The following PCDHGB3 variants were observed in gnomAD, a reference collection of about 807,000 sequenced individuals.
PCDHGB3 encodes the protein protocadherin gamma subfamily B, 3.
A neutral mutation model predicts 59.2 loss-of-function variants in PCDHGB3; 40 were observed. The observed-to-expected ratio is 0.68, with a 90% confidence interval of 0.52 to 0.88. The LOEUF is 0.88. Ranked by LOEUF, PCDHGB3 falls within the 40% of genes least tolerant of loss-of-function variation. The pLI is 0.00. For synonymous variants in PCDHGB3, 581 were observed against 503.6 expected (o/e 1.15, Z -2.06); for missense variants, 1,309 against 1,187.9 (o/e 1.10, Z -1.50).
In PCDHGB3 at chr5:141,489,750, C is replaced by T. The variant is rs753217170; in HGVS notation, c.2416-5057C>T. On this transcript the variant is annotated intron_variant, in intron 1 of 3. Coordinates refer to ENST00000576222, the MANE Select transcript of PCDHGB3 (RefSeq NM_018924.5). The surrounding 1 kb of genome is among the most constrained non-coding windows in gnomAD (Gnocchi z 4.5). ...TGGGCACCAATACTGTGAGCTTTTA[C>T]ACTCTAAGCCCCAACAGCCACTTCT... 1.2e-6 allele frequency: 2 copies of T among 1,614,098 alleles called. No homozygotes were observed. Among genetic ancestry groups the T allele is most frequent in the Admixed American group, 3.3e-5 (2 of 60,022 alleles).
At chr5:141,475,090 A>G (rs991061660) in intron 1 of PCDHGB3, among the ~76,000 whole-genome samples, 1 of 152,264 alleles carries the variant, frequency 6.6e-6, no homozygotes, top group African/African-American at 2.4e-5. Flanking sequence ...CAATAATTTT[A>G]TAAAGATCCT....
In PCDHGB3 at chr5:141,370,662, A is replaced by G. The variant is rs1325799428; in HGVS notation, c.268A>G (p.Ile90Val). 1 of 1,613,896 alleles carries G rather than the reference A, an allele frequency of 6.2e-7. No homozygotes were observed. The highest frequency in any genetic ancestry group is 1.1e-5 in the South Asian group (1 of 91,080). Residue 90 changes from isoleucine (I) to valine (V), a missense_variant, in exon 1 of 4, where the codon ATA (isoleucine) becomes GTA (valine). Ile to Val is a conservative substitution (Grantham distance 29, BLOSUM62 3). Transcript: ENST00000576222. ...TGGGAACTTACTTGTGAGCGACCGTATAGACCGAGAGGAGATTTGTGGCAA... is the reference window on the plus strand; with the variant it reads ...TGGGAACTTACTTGTGAGCGACCGTGTAGACCGAGAGGAGATTTGTGGCAA... ...ENGNLLVSDR[I>V]DREEICGKKS...
chr5:141,371,340 A>G lies in PCDHGB3; in HGVS notation c.946A>G (p.Thr316Ala). Residue 316 changes from threonine to alanine, a missense_variant, in exon 1 of 4, where the codon ACA becomes GCA. By Grantham distance (58) the Thr-to-Ala change is moderately conservative. Transcript: ENST00000576222. ...ELDFEERDSYTIGVEAKDGGH... is the reference protein window; with the variant it reads ...ELDFEERDSYAIGVEAKDGGH... ...GGACTTTGAAGAGAGAGATAGCTAC[A>G]CAATTGGGGTGGAAGCAAAGGATGG... 1.2e-6 allele frequency: 2 copies of G among 1,613,980 alleles called. No individual in the cohort carries two copies. The highest frequency in any genetic ancestry group is 1.7e-6 in the Non-Finnish European group (2 of 1,179,874).
At chr5:141,410,666 T>C (rs376209053) in intron 1 of PCDHGB3, 1 of 1,566,008 alleles carries the variant, frequency 6.4e-7, no homozygotes, top group Non-Finnish European at 8.6e-7. Flanking sequence ...AGTCTACTAG[T>C]TTCTCATATT....
chr5:141,409,345 A>T lies in PCDHGB3; in HGVS notation c.2415+36536A>T, dbSNP rs1012428329. 4 of 1,613,902 alleles carry T rather than the reference A, an allele frequency of 2.5e-6. No individual in the cohort carries two copies. In the African/African-American group the frequency reaches 5.3e-5, roughly 22 times the overall value. ...ATCTGGATTTCGGAGGAAATGGAGAAGTCAGGTGTAATATAGAAACAGACA... is the reference window on the plus strand; with the variant it reads ...ATCTGGATTTCGGAGGAAATGGAGATGTCAGGTGTAATATAGAAACAGACA... On this transcript the variant is annotated intron_variant, in intron 1 of 3. Transcript: ENST00000576222.
chr5:141,372,628 A>G lies in PCDHGB3; in HGVS notation c.2234A>G (p.Glu745Gly), dbSNP rs1561557041. Residue 745 changes from glutamate to glycine, a missense_variant, in exon 1 of 4, where the codon GAA (glutamate) becomes GGA (glycine). Transcript: ENST00000576222. ...CCTGGAGTTCTCCCCACCTACAGCG[A>G]AAGGACTTTGCCTTATTCCTACAAT... ...TVPGVLPTYS[E>G]RTLPYSYNPC... 3.1e-6 allele frequency: 5 copies of G among 1,614,014 alleles called. No individual in the cohort carries two copies. The highest frequency in any genetic ancestry group is 4.2e-6 in the Non-Finnish European group (5 of 1,179,884).
chr5:141,429,765 T>C (rs897963458), intron 1 of PCDHGB3, among the ~76,000 whole-genome samples: 1 of 152,230 alleles, frequency 6.6e-6, no homozygotes, highest in East Asian at 1.9e-4. Flanking sequence ...TTTCCCTATA[T>C]TTTGATGGGC....
intron 3 of PCDHGB3, chr5:141,507,285 C>T (rs80317708): frequency 2.7e-5 from 4 of 150,212 alleles, no homozygotes; most frequent in African/African-American, 7.4e-5. Flanking sequence ...ATAAGTCAGT[C>T]TCAAATGTTG....
At chr5:141,379,328 C>T (rs1775531814) in intron 1 of PCDHGB3, 1 of 152,184 alleles carries the variant, frequency 6.6e-6, no homozygotes, top group African/African-American at 2.4e-5. Flanking sequence ...TAATCATACA[C>T]ATCTTCAAAG....
intron 1 of PCDHGB3, among the ~76,000 whole-genome samples, chr5:141,460,934 G>GTA (rs2099001529): frequency 2.7e-5 from 4 of 149,622 alleles, no homozygotes; most frequent in African/African-American, 9.9e-5. Context: ...ATGTGTGTGT[G>GTA]TATATATATG....
chr5:141,402,422 T>C (rs1385083470), intron 1 of PCDHGB3, among the ~76,000 whole-genome samples: 2 of 151,998 alleles, frequency 1.3e-5, no homozygotes, highest in African/African-American at 2.4e-5. Context: ...CAGAAAAAAT[T>C]GAAGCATCAT....
chr5:141,457,149 G>A (rs1016628234), intron 1 of PCDHGB3, among the ~76,000 whole-genome samples: 6 of 152,180 alleles, frequency 3.9e-5, no homozygotes, highest in African/African-American at 1.4e-4. Flanking sequence ...TCAGTTAGAA[G>A]GTGCTACCAT....
At chr5:141,389,236 C>G (rs1360916753) in intron 1 of PCDHGB3, 1 of 1,614,054 alleles carries the variant, frequency 6.2e-7, no homozygotes, top group Non-Finnish European at 8.5e-7. Context: ...CCGGTTTTCT[C>G]ACAGTCTTCC....
In PCDHGB3 at chr5:141,372,539, G is replaced by A; in HGVS notation, c.2145G>A (p.Leu715=). ...TGATTCTGGCAATCTCCCTGCGCCT[G>A]CGATGCTCCTCCAGACCCGCCACTG... The part of the protein sequence containing the change: ...LAVILAISLR[L]RCSSRPATEG... Residue 715 remains leucine (L), a synonymous_variant, in exon 1 of 4, where the codon CTG becomes CTA. Coordinates refer to ENST00000576222, the MANE Select transcript of PCDHGB3 (RefSeq NM_018924.5). 6.2e-7 allele frequency: 1 copy of A among 1,614,050 alleles called. No homozygotes were observed. Among genetic ancestry groups the A allele is most frequent in the Non-Finnish European group, 8.5e-7 (1 of 1,179,896 alleles).
chr5:141,403,663 T>C (rs2094439679), intron 1 of PCDHGB3: 3 of 1,613,900 alleles, frequency 1.9e-6, no homozygotes, highest in African/African-American at 1.3e-5. Flanking sequence ...ATACAAATGA[T>C]AATGCCCCGG....
intron 1 of PCDHGB3, among the ~76,000 whole-genome samples, chr5:141,420,727 G>C (rs1454487477): frequency 2.0e-5 from 3 of 152,180 alleles, no homozygotes; most frequent in African/African-American, 7.2e-5. Flanking sequence ...CTTTCAGTCG[G>C]TTAAAATCAA....
rs1767388382 is a variant in PCDHGB3 at position 141,370,996 on chromosome 5, A to G, written c.602A>G (p.Asp201Gly). The G allele has an allele frequency of 1.2e-6, 2 of 1,613,886 alleles. No individual in the cohort carries two copies. Among genetic ancestry groups the G allele is most frequent in the African/African-American group, 2.7e-5 (2 of 74,952 alleles). ...YPELVLKAPL[D>G]REEQPHHHLV... ...GAGCTAGTACTGAAAGCACCCCTGGACAGGGAAGAGCAGCCACATCACCAC... is the reference window on the plus strand; with the variant it reads ...GAGCTAGTACTGAAAGCACCCCTGGGCAGGGAAGAGCAGCCACATCACCAC... Residue 201 changes from aspartate to glycine, a missense_variant, in exon 1 of 4, where the codon GAC becomes GGC. Transcript: ENST00000576222.
intron 2 of PCDHGB3, among the ~76,000 whole-genome samples, chr5:141,495,452 C>G (rs543717781): frequency 1.3e-5 from 2 of 152,356 alleles, no homozygotes; most frequent in South Asian, 2.1e-4. Context: ...TTGTCCTGCT[C>G]TCTGTCTGTG....
intron 1 of PCDHGB3, among the ~76,000 whole-genome samples, chr5:141,460,979 GTGTGTATATA>G (rs143444831): frequency 0.04 from 5,417 of 134,264 alleles, 125 homozygotes; most frequent in South Asian, 0.082. Context: ...GTGTGTGTGT[GTGTGTATATA>G]TATATATGTG....
Sources: gnomAD v4.1 joint callset for allele counts (sites outside exome capture counted in the v4.1 genomes callset) on GRCh38, gnomAD v4.1.1 for gene constraint, Gnocchi (gnomAD v3.1) non-coding constraint, MANE v1.5 for transcripts, NCBI Gene and HGNC (gene_info 2026-07-23, HGNC 2026-07-21) for gene names.